Variants in TMEM243 observed in about 807,000 individuals in gnomAD.
TMEM243 encodes the protein transmembrane protein 243.
A neutral mutation model predicts 15.0 loss-of-function variants in TMEM243; 20 were observed. The ratio of observed to expected loss-of-function variants is 1.33; its 90% CI spans 0.94 to 1.93. TMEM243 has a LOEUF of 1.93. Ranked by LOEUF, TMEM243 falls within the 30% of genes most tolerant of loss-of-function variation. The pLI, the probability that TMEM243 is intolerant of heterozygous loss-of-function variation, is 0.00. For missense variants in TMEM243, 156 were observed against 142.1 expected (o/e 1.10, Z -0.50); for synonymous variants, 72 against 52.7 (o/e 1.37, Z -1.59).
intron 1 of TMEM243, among the ~76,000 whole-genome samples, chr7:87,205,402 G>A (rs1203123176): frequency 7.4e-6 from 1 of 135,210 alleles, no homozygotes; most frequent in African/African-American, 2.8e-5. Context: ...AATTTTTTTT[G>A]TTCTATTGTA....
Position 87,197,958 on chromosome 7 carries a change from T to C in TMEM243, c.217A>G (p.Ile73Val), listed in dbSNP as rs761672828. Residue 73 changes from isoleucine (I) to valine (V), a missense_variant, in exon 3 of 4, where the codon ATT becomes GTT. By Grantham distance (29) the Ile-to-Val change is conservative. Transcript: ENST00000257637. The stretch of plus-strand genomic sequence containing the variant: ...GTACTTACAAGTATGCAGGCAGTAA[T>C]ACTACTCAAAGAGATGCAGACAGCA... Reference protein sequence around the residue: ...FFAVCISLSSITACILIYWYR... With the variant: ...FFAVCISLSSVTACILIYWYR... 1 of 1,613,128 alleles carries C rather than the reference T, an allele frequency of 6.2e-7. No homozygotes were observed. Among genetic ancestry groups the C allele is most frequent in the Non-Finnish European group, 8.5e-7 (1 of 1,179,390 alleles).
chr7:87,205,236 G>A (rs776991382), intron 1 of TMEM243, among the ~76,000 whole-genome samples: 2 of 152,192 alleles, frequency 1.3e-5, no homozygotes, highest in Non-Finnish European at 2.9e-5. Context: ...TGCCTCAAAG[G>A]TCTCTGACAT....
chr7:87,198,479 TATGCAATCTTTTCATTAAGAAGCC>T, intron 2 of TMEM243: 1 of 167,922 alleles, frequency 6.0e-6, no homozygotes, highest in Admixed American at 6.0e-5. Flanking sequence ...TGCAGCATTA[TATGCAATCTTTTCATTAAGAAGCC>T]ATGGAAAAAA....
chr7:87,217,521 T>C lies in TMEM243; in HGVS notation c.78+1905A>G, dbSNP rs76369899. The stretch of plus-strand genomic sequence containing the variant: ...GGCCTCTCCTCTCTCAGATGTGGCA[T>C]CTCCATTTATAAGATACATGTTTTC... On this transcript the variant is annotated intron_variant, in intron 1 of 3. Coordinates refer to ENST00000257637, the MANE Select transcript of TMEM243 (RefSeq NM_024315.4). Among the ~76,000 whole-genome samples, 907 of 152,274 alleles carry C rather than the reference T, an allele frequency of 6.0e-3. 7 individuals carry two copies. The highest frequency in any genetic ancestry group is 0.02 in the African/African-American group (843 of 41,540).
chr7:87,204,294 G>A (rs560327665), intron 1 of TMEM243, among the ~76,000 whole-genome samples: 1 of 152,164 alleles, frequency 6.6e-6, no homozygotes, highest in East Asian at 1.9e-4. Flanking sequence ...GTGGAGACAC[G>A]GCCAAACCAC....
intron 1 of TMEM243, among the ~76,000 whole-genome samples, chr7:87,208,606 T>C (rs1196149813): frequency 6.6e-6 from 1 of 152,232 alleles, no homozygotes; most frequent in Non-Finnish European, 1.5e-5. Flanking sequence ...TAACTACAAA[T>C]GTCAGTTTAC....
intron 2 of TMEM243, 80 bp downstream of exon 2, chr7:87,198,927 T>C: frequency 2.3e-6 from 3 of 1,291,210 alleles, no homozygotes; most frequent in Non-Finnish European, 3.2e-6. Context: ...ATTTAGCTTT[T>C]TTTGGAAAGT....
chr7:87,204,293 C>G (rs113635025), intron 1 of TMEM243, among the ~76,000 whole-genome samples: 7 of 152,144 alleles, frequency 4.6e-5, no homozygotes, highest in Non-Finnish European at 1.0e-4. Flanking sequence ...GGTGGAGACA[C>G]GGCCAAACCA....
chr7:87,204,591 C>T (rs1802069976), intron 1 of TMEM243, among the ~76,000 whole-genome samples: 1 of 152,298 alleles, frequency 6.6e-6, no homozygotes, highest in Middle Eastern at 3.4e-3. Flanking sequence ...ATCCAAAAAC[C>T]AGCAGGGCAG....
chr7:87,216,222 C>T (rs1441035831), intron 1 of TMEM243, among the ~76,000 whole-genome samples: 10 of 147,600 alleles, frequency 6.8e-5, no homozygotes, highest in East Asian at 6.0e-4. Flanking sequence ...TGCAGTGAGC[C>T]GAGATTGCAC....
chr7:87,220,038 A>T (rs988110265), upstream of TMEM243, among the ~76,000 whole-genome samples: 1 of 152,214 alleles, frequency 6.6e-6, no homozygotes. Context: ...GAACGCATTG[A>T]GAACCCCTCG....
chr7:87,198,164 C>A, intron 2 of TMEM243, 119 bp from the exon 3 acceptor site: 1 of 772,276 alleles, frequency 1.3e-6, no homozygotes, highest in Non-Finnish European at 2.1e-6. Context: ...CATCTGCCAC[C>A]AAGTTTGCTT....
intron 1 of TMEM243, among the ~76,000 whole-genome samples, chr7:87,219,157 G>A (rs879692719): frequency 5.9e-5 from 9 of 152,050 alleles, no homozygotes; most frequent in Non-Finnish European, 1.0e-4. Flanking sequence ...CCTCCGGAGG[G>A]GGTTCCCGCA....
At chr7:87,210,427 G>A (rs200047929) in intron 1 of TMEM243, among the ~76,000 whole-genome samples, 2 of 152,218 alleles carry the variant, frequency 1.3e-5, no homozygotes, top group African/African-American at 4.8e-5. Context: ...TCTGAGACAA[G>A]GCAAGTCCCT....
At chr7:87,219,354 G>T in intron 1 of TMEM243, 72 bp downstream of exon 1, 2 of 1,480,656 alleles carry the variant, frequency 1.4e-6, no homozygotes, top group Non-Finnish European at 1.9e-6. Flanking sequence ...GAAAGACGCA[G>T]CCCGGACTCC....
rs1315517951 is a variant in TMEM243, at chr7:87,196,302, G to GAAAT, written c.*330_*333dup. On this transcript the variant is annotated 3_prime_UTR_variant, in exon 4 of 4. Coordinates refer to ENST00000257637, the MANE Select transcript of TMEM243 (RefSeq NM_024315.4). ...GAACAATTGTATATTCAGTTTAACAGAAATAAAAGAATATTTGTCTTAAGA... is the reference window on the plus strand; with the variant it reads ...GAACAATTGTATATTCAGTTTAACAGAAATAAATAAAAGAATATTTGTCTTAAGA... 1.6e-5 allele frequency: 3 copies of GAAAT among 189,934 alleles called. No individual in the cohort carries two copies. The highest frequency in any genetic ancestry group is 7.1e-5 in the African/African-American group (3 of 42,338). 11.8% of individuals were successfully genotyped at this position (189,934 alleles called of 1,614,324 possible).
chr7:87,212,264 G>A (rs747893882), intron 1 of TMEM243, among the ~76,000 whole-genome samples: 2 of 152,174 alleles, frequency 1.3e-5, no homozygotes, highest in Non-Finnish European at 2.9e-5. Context: ...CCTCAGAGCT[G>A]AGAGAGCTGA....
chr7:87,205,341 ATTT>A (rs555923491), intron 1 of TMEM243, among the ~76,000 whole-genome samples: 1 of 142,406 alleles, frequency 7.0e-6, no homozygotes, highest in East Asian at 2.1e-4. Context: ...TCTCCTCAGG[ATTT>A]TTTTTTTTTT....
At chr7:87,203,594 A>G (rs2129225751) in intron 1 of TMEM243, among the ~76,000 whole-genome samples, 1 of 151,932 alleles carries the variant, frequency 6.6e-6, no homozygotes, top group Non-Finnish European at 1.5e-5. Context: ...CAGCCTGGAC[A>G]GAATGAGAAT....
Sources: allele counts gnomAD v4.1 joint callset (sites outside exome capture counted in the v4.1 genomes callset), GRCh38; gene constraint gnomAD v4.1.1; transcripts MANE v1.5; gene names NCBI Gene and HGNC (gene_info 2026-07-23, HGNC 2026-07-21).